MARCHF1: variants seen among roughly 807,000 people sequenced by gnomAD.
The protein encoded by MARCHF1 is membrane associated ring-CH-type finger 1.
In MARCHF1, 40 loss-of-function variants were observed where a neutral mutation model predicts 54.2. The ratio of observed to expected loss-of-function variants is 0.74; its 90% CI spans 0.57 to 0.96. MARCHF1 has a LOEUF of 0.96. Ranked by LOEUF, MARCHF1 falls within the 40% of genes least tolerant of loss-of-function variation. The pLI, the probability that MARCHF1 is intolerant of heterozygous loss-of-function variation, is 0.00. For synonymous variants in MARCHF1, 236 were observed against 236.3 expected, an observed-to-expected ratio of 1.00 and a Z score of 0.01; for missense variants, 586 against 656.5, an observed-to-expected ratio of 0.89 and a Z score of 1.17.
At chr4:163,607,172 A>G (rs1741172098) in intron 7 of MARCHF1, among the ~76,000 whole-genome samples, 1 of 152,034 alleles carries the variant, frequency 6.6e-6, no homozygotes, top group Non-Finnish European at 1.5e-5. Context: ...TGGTTAACAT[A>G]CCCCTTTCTT....
intron 1 of MARCHF1, among the ~76,000 whole-genome samples, chr4:164,123,268 A>G (rs1157413377): frequency 6.6e-6 from 1 of 152,170 alleles, no homozygotes; most frequent in African/African-American, 2.4e-5. Flanking sequence ...AAAGACCTCT[A>G]TAATGAAAAC....
chr4:164,046,222 A>G (rs1754240204), intron 2 of MARCHF1, among the ~76,000 whole-genome samples: 1 of 152,226 alleles, frequency 6.6e-6, no homozygotes, highest in Admixed American at 6.5e-5. Flanking sequence ...ATCTTTACCT[A>G]CTGGACTGTC....
chr4:163,800,248 T>C (rs2110970393), intron 4 of MARCHF1, among the ~76,000 whole-genome samples: 1 of 152,172 alleles, frequency 6.6e-6, no homozygotes, highest in South Asian at 2.1e-4. Flanking sequence ...AACCTATACA[T>C]GTACTCCTTG....
chr4:163,792,730 CACA>C (rs1259984579), intron 4 of MARCHF1, among the ~76,000 whole-genome samples: 10 of 152,112 alleles, frequency 6.6e-5, no homozygotes, highest in African/African-American at 1.7e-4. Context: ...CGTTAAGAAC[CACA>C]ACACTTAAAA....
At chr4:163,747,678 C>T (rs1415791138) in intron 4 of MARCHF1, among the ~76,000 whole-genome samples, 3 of 152,058 alleles carry the variant, frequency 2.0e-5, no homozygotes, top group African/African-American at 7.2e-5. Context: ...AACAATATAA[C>T]AACTGAAATT....
intron 4 of MARCHF1, among the ~76,000 whole-genome samples, chr4:163,742,623 C>T (rs564413276): frequency 3.3e-5 from 5 of 150,836 alleles, no homozygotes; most frequent in African/African-American, 1.2e-4. Context: ...ACCACAGGTG[C>T]ACACCACCAT....
chr4:163,718,559 G>C (rs970227747), intron 4 of MARCHF1, among the ~76,000 whole-genome samples: 5 of 152,152 alleles, frequency 3.3e-5, no homozygotes. Context: ...ATGTAGAAAG[G>C]CAAAACCCAT....
chr4:164,018,664 G>T (rs1753598030), intron 2 of MARCHF1, among the ~76,000 whole-genome samples: 1 of 151,968 alleles, frequency 6.6e-6, no homozygotes, highest in African/African-American at 2.4e-5. Context: ...ATTTTAAAAA[G>T]TTATATTATT....
intron 2 of MARCHF1, among the ~76,000 whole-genome samples, chr4:164,073,444 A>G (rs565747337): frequency 6.6e-6 from 1 of 152,274 alleles, no homozygotes; most frequent in South Asian, 2.1e-4. Context: ...AGAGGTGAAC[A>G]AAGAGAACAT....
intron 5 of MARCHF1, among the ~76,000 whole-genome samples, chr4:163,628,563 G>T (rs1340891770): frequency 1.3e-5 from 2 of 152,158 alleles, no homozygotes; most frequent in African/African-American, 4.8e-5. Context: ...TCAGGAAAGA[G>T]GAAGAAATAA....
At chr4:163,560,514 T>C (rs1230922445) in intron 8 of MARCHF1, among the ~76,000 whole-genome samples, 1 of 152,206 alleles carries the variant, frequency 6.6e-6, no homozygotes, top group Non-Finnish European at 1.5e-5. Flanking sequence ...TTCTTTTGCA[T>C]TCCACTTGAA....
chr4:164,374,307 G>A, intron 1 of MARCHF1, among the ~76,000 whole-genome samples: 1 of 152,004 alleles, frequency 6.6e-6, no homozygotes, highest in Non-Finnish European at 1.5e-5. Context: ...AATTTAAATT[G>A]TTATTATGAT....
intron 1 of MARCHF1, among the ~76,000 whole-genome samples, chr4:164,192,622 TA>T (rs1300978080): frequency 2.7e-5 from 4 of 146,898 alleles, no homozygotes; most frequent in African/African-American, 1.0e-4. Flanking sequence ...TACAAGGAAT[TA>T]AAAAACACTT....
chr4:163,591,086 T>C (rs564822298), intron 7 of MARCHF1, among the ~76,000 whole-genome samples: 1 of 151,784 alleles, frequency 6.6e-6, no homozygotes, highest in East Asian at 1.9e-4. Context: ...TTAATTATTG[T>C]CACTTAATTG....
chr4:163,824,244 G>C (rs376730556), intron 4 of MARCHF1, among the ~76,000 whole-genome samples: 1 of 151,862 alleles, frequency 6.6e-6, no homozygotes, highest in African/African-American at 2.4e-5. Context: ...TAAAGTCCTA[G>C]GCTAGGCTTA....
chr4:164,335,792 T>C (rs1490689138), intron 1 of MARCHF1, among the ~76,000 whole-genome samples: 1 of 152,182 alleles, frequency 6.6e-6, no homozygotes, highest in Non-Finnish European at 1.5e-5. Flanking sequence ...CATAATGCTA[T>C]AAATATAGTA....
chr4:164,126,794 T>A (rs931904124), intron 1 of MARCHF1, among the ~76,000 whole-genome samples: 1 of 152,176 alleles, frequency 6.6e-6, no homozygotes, highest in Non-Finnish European at 1.5e-5. Context: ...CAGTGGCTCA[T>A]GCCTGTAATC....
At chr4:164,185,809 CAAAAA>C (rs33914299) in intron 1 of MARCHF1, among the ~76,000 whole-genome samples, 3,436 of 149,596 alleles carry the variant, frequency 0.023, 107 homozygotes, top group African/African-American at 0.077. Context: ...CACACACACA[CAAAAA>C]AAAAAACATT....
At chr4:163,666,192 G>A (rs1399731254) in intron 5 of MARCHF1, among the ~76,000 whole-genome samples, 1 of 152,112 alleles carries the variant, frequency 6.6e-6, no homozygotes, top group Non-Finnish European at 1.5e-5. Flanking sequence ...TTGTTCACGA[G>A]TCTTCTGAAA....
Sources: gnomAD v4.1 joint callset for allele counts (sites outside exome capture counted in the v4.1 genomes callset) on GRCh38, gnomAD v4.1.1 for gene constraint, MANE v1.5 for transcripts, NCBI Gene and HGNC (gene_info 2026-07-23, HGNC 2026-07-21) for gene names.